The following CNBD1 variants were observed in gnomAD, a reference collection of about 807,000 sequenced individuals.
The protein encoded by CNBD1 is cyclic nucleotide binding domain containing 1.
CNBD1 carries 71 observed loss-of-function variants against 54.4 expected under a neutral mutation model. That is an observed-to-expected ratio of 1.30 (90% CI 1.08 to 1.59). The LOEUF (loss-of-function observed/expected upper bound fraction) is 1.59, where lower values mean the gene tolerates loss of function less well. Among genes scored for constraint, CNBD1 ranks in the 40% most tolerant of loss-of-function variants. The probability of loss-of-function intolerance (pLI) is 0.00; values close to 1 mark genes in which losing one functional copy is unlikely to be tolerated. For synonymous variants in CNBD1, 182 were observed against 170.7 expected, an observed-to-expected ratio of 1.07 and a Z score of -0.51; for missense variants, 659 against 518.0, an observed-to-expected ratio of 1.27 and a Z score of -2.64.
At chr8:87,347,227 C>A (rs932773163) in intron 8 of CNBD1, among the ~76,000 whole-genome samples, 2 of 152,090 alleles carry the variant, frequency 1.3e-5, no homozygotes. Context: ...AATATTTTAT[C>A]CAGAATTTTT....
chr8:87,108,609 A>G (rs1192057441), intron 4 of CNBD1, among the ~76,000 whole-genome samples: 2 of 152,224 alleles, frequency 1.3e-5, no homozygotes, highest in Non-Finnish European at 2.9e-5. Flanking sequence ...GAATTAAAAG[A>G]AGGTGTGTTG....
chr8:86,883,160 A>G (rs1487878772), intron 1 of CNBD1, among the ~76,000 whole-genome samples: 1 of 149,612 alleles, frequency 6.7e-6, no homozygotes, highest in African/African-American at 2.5e-5. Flanking sequence ...CACAACCTGC[A>G]TGTTCCCTGG....
intron 4 of CNBD1, among the ~76,000 whole-genome samples, chr8:87,124,462 G>T (rs1197646597): frequency 1.3e-5 from 2 of 151,656 alleles, no homozygotes; most frequent in Non-Finnish European, 3.0e-5. Flanking sequence ...CCACAATAAA[G>T]TGGTATTTGT....
At chr8:87,356,670 T>C (rs1262668714) in intron 10 of CNBD1, among the ~76,000 whole-genome samples, 2 of 152,076 alleles carry the variant, frequency 1.3e-5, no homozygotes, top group Non-Finnish European at 2.9e-5. Flanking sequence ...AGCATAAAAT[T>C]TGAAAAATTC....
chr8:86,908,994 G>T (rs1162356084), intron 3 of CNBD1, among the ~76,000 whole-genome samples: 2 of 152,094 alleles, frequency 1.3e-5, no homozygotes, highest in Non-Finnish European at 2.9e-5. Context: ...TTGACCTCGT[G>T]ATCTGCCCGC....
In CNBD1 at chr8:87,045,241, G is replaced by T. The variant is rs77032247; in HGVS notation, c.431+105487G>T. ...CCGGTTATAGCATTGAGTATACAGG[G>T]TCCAAACTTAACACAAGACATACAA... On this transcript the variant is annotated intron_variant, in intron 4 of 10. Transcript: ENST00000518476. Among the ~76,000 whole-genome samples, 428 of 152,204 alleles carry T rather than the reference G, an allele frequency of 2.8e-3. 3 individuals are homozygous for T. The highest frequency in any genetic ancestry group is 9.6e-3 in the African/African-American group (399 of 41,538).
chr8:87,000,713 G>T (rs1397537168), intron 4 of CNBD1, among the ~76,000 whole-genome samples: 1 of 152,054 alleles, frequency 6.6e-6, no homozygotes, highest in African/African-American at 2.4e-5. Flanking sequence ...TTAATTATTG[G>T]ATCTCACTTT....
At chr8:87,094,987 C>T (rs576667336) in intron 4 of CNBD1, among the ~76,000 whole-genome samples, 2 of 152,132 alleles carry the variant, frequency 1.3e-5, no homozygotes, top group Non-Finnish European at 2.9e-5. Context: ...TGCAATGAGC[C>T]GAGATCACGC....
intron 10 of CNBD1, among the ~76,000 whole-genome samples, chr8:87,362,052 T>A (rs921219389): frequency 6.6e-6 from 1 of 152,034 alleles, no homozygotes; most frequent in African/African-American, 2.4e-5. Flanking sequence ...TTGAGTCCAA[T>A]GACAAACCAT....
chr8:86,956,047 A>G (rs1586160412), intron 4 of CNBD1, among the ~76,000 whole-genome samples: 1 of 152,282 alleles, frequency 6.6e-6, no homozygotes, highest in African/African-American at 2.4e-5. Flanking sequence ...CTTTCTACAT[A>G]TGGCTAGCCG....
chr8:87,065,493 C>T (rs1392874994), intron 4 of CNBD1, among the ~76,000 whole-genome samples: 1 of 151,854 alleles, frequency 6.6e-6, no homozygotes, highest in Non-Finnish European at 1.5e-5. Flanking sequence ...GATGTAGTCC[C>T]TCTGTGGCAT....
intron 1 of CNBD1, among the ~76,000 whole-genome samples, chr8:86,886,204 A>G (rs188006368): frequency 6.0e-4 from 92 of 152,238 alleles, no homozygotes; most frequent in African/African-American, 2.1e-3. Context: ...TTCCTTCCTA[A>G]TCTATGTATA....
At chr8:87,140,204 GTCTC>G (rs1021792116) in intron 4 of CNBD1, among the ~76,000 whole-genome samples, 4 of 151,784 alleles carry the variant, frequency 2.6e-5, no homozygotes, top group Non-Finnish European at 5.9e-5. Context: ...TTCTGTCTCT[GTCTC>G]TCTTCTCTCT....
chr8:87,183,694 T>C (rs1267336883), intron 4 of CNBD1, among the ~76,000 whole-genome samples: 1 of 152,168 alleles, frequency 6.6e-6, no homozygotes, highest in African/African-American at 2.4e-5. Context: ...TGCTGTCCTT[T>C]AGGTAGGGCT....
chr8:87,149,803 G>T (rs987977556), intron 4 of CNBD1, among the ~76,000 whole-genome samples: 1 of 152,056 alleles, frequency 6.6e-6, no homozygotes, highest in African/African-American at 2.4e-5. Context: ...AAATGATGGA[G>T]CAGATTTACG....
chr8:86,869,599 G>A (rs188280152), intron 1 of CNBD1, among the ~76,000 whole-genome samples: 16 of 152,194 alleles, frequency 1.1e-4, no homozygotes, highest in Admixed American at 9.2e-4. Context: ...TCCTTCTCTG[G>A]TCTCTTTGAC....
chr8:87,290,710 T>C (rs1808769726), intron 8 of CNBD1, among the ~76,000 whole-genome samples: 1 of 152,136 alleles, frequency 6.6e-6, no homozygotes, highest in Non-Finnish European at 1.5e-5. Flanking sequence ...ATTTCTCCTT[T>C]ACTTTTGAAA....
At chr8:86,896,446 A>C (rs1340464662) in intron 2 of CNBD1, among the ~76,000 whole-genome samples, 1 of 152,048 alleles carries the variant, frequency 6.6e-6, no homozygotes, top group Non-Finnish European at 1.5e-5. Flanking sequence ...GGGGCAGTGT[A>C]TATCTTTCTA....
At chr8:87,228,190 C>G (rs1450367143) in intron 5 of CNBD1, among the ~76,000 whole-genome samples, 4 of 149,922 alleles carry the variant, frequency 2.7e-5, no homozygotes, top group Non-Finnish European at 5.9e-5. Flanking sequence ...GTTTGAATGT[C>G]CTCCCATAGC....
Sources: allele counts gnomAD v4.1 joint callset (sites outside exome capture counted in the v4.1 genomes callset), GRCh38; gene constraint gnomAD v4.1.1; transcripts MANE v1.5; gene names NCBI Gene and HGNC (gene_info 2026-07-23, HGNC 2026-07-21).